Variants in MAGI2 observed in about 807,000 individuals in gnomAD.
MAGI2 encodes the protein membrane associated guanylate kinase, WW and PDZ domain containing 2, also known as membrane-associated guanylate kinase, WW and PDZ domain-containing protein 2.
Under a neutral mutation model 133.3 loss-of-function variants are expected in MAGI2, and 35 were observed. The observed-to-expected ratio is 0.26, with a 90% CI of 0.20 to 0.35. MAGI2 has a LOEUF of 0.35. MAGI2 is among the 10% of genes least tolerant of loss of function. MAGI2 has a pLI of 1.00. For missense variants in MAGI2, 1,636 were observed against 1,863.4 expected (o/e 0.88, Z 2.25); for synonymous variants, 729 against 710.6 (o/e 1.03, Z -0.41).
intron 6 of MAGI2, among the ~76,000 whole-genome samples, chr7:78,435,626 A>G (rs1002041805): frequency 1.3e-5 from 2 of 152,154 alleles, no homozygotes; most frequent in African/African-American, 2.4e-5. Flanking sequence ...CAGGCACCAA[A>G]GCTGCAAATA....
At chr7:79,199,256 C>A (rs952742886) in intron 1 of MAGI2, among the ~76,000 whole-genome samples, 8 of 151,928 alleles carry the variant, frequency 5.3e-5, no homozygotes, top group African/African-American at 1.9e-4. Flanking sequence ...ATAGTGGCTG[C>A]ATTTGGAGGG....
chr7:78,690,789 T>C (rs1289598973), intron 2 of MAGI2, among the ~76,000 whole-genome samples: 1 of 152,200 alleles, frequency 6.6e-6, no homozygotes, highest in Non-Finnish European at 1.5e-5. Context: ...ATTGCTTAAA[T>C]ACAGGTCCCT....
intron 2 of MAGI2, chr7:78,902,655 T>A (rs1399173364): frequency 1.3e-5 from 2 of 152,126 alleles, no homozygotes; most frequent in Non-Finnish European, 2.9e-5. Flanking sequence ...AGAAAATCAA[T>A]AGAACTTTTC....
chr7:79,444,219 C>G (rs1848689428), intron 1 of MAGI2, among the ~76,000 whole-genome samples: 2 of 152,134 alleles, frequency 1.3e-5, no homozygotes, highest in South Asian at 4.1e-4. Flanking sequence ...ACTGAATGGG[C>G]AAAAACTGGA....
intron 10 of MAGI2, among the ~76,000 whole-genome samples, chr7:78,238,555 TTC>T (rs1191304628): frequency 1.3e-5 from 2 of 152,066 alleles, no homozygotes; most frequent in Admixed American, 1.3e-4. Flanking sequence ...TCTTTGATTT[TTC>T]TCTTTTTCTT....
intron 12 of MAGI2, 52 bp downstream of exon 12, chr7:78,194,822 C>A: frequency 7.1e-7 from 1 of 1,404,230 alleles, no homozygotes. Flanking sequence ...TATCTCCTGG[C>A]AGGGCCTCAG....
intron 2 of MAGI2, among the ~76,000 whole-genome samples, chr7:78,705,256 G>C (rs1818519033): frequency 6.6e-6 from 1 of 151,994 alleles, no homozygotes; most frequent in African/African-American, 2.4e-5. Context: ...CACAAGATCT[G>C]ATGGTTTATA....
At chr7:78,409,222 G>C (rs893416601) in intron 6 of MAGI2, among the ~76,000 whole-genome samples, 2 of 152,026 alleles carry the variant, frequency 1.3e-5, no homozygotes, top group African/African-American at 4.8e-5. Context: ...AGGACCCTGT[G>C]TCTTTTTTTA....
At chr7:78,116,599 T>C (rs1819892160) in intron 20 of MAGI2, among the ~76,000 whole-genome samples, 1 of 151,954 alleles carries the variant, frequency 6.6e-6, no homozygotes, top group South Asian at 2.1e-4. Context: ...AGCAGGCAGG[T>C]GAGGTGTGAT....
chr7:78,521,755 C>T (rs1796524013), intron 3 of MAGI2, 110 bp from the exon 4 acceptor site: 3 of 762,740 alleles, frequency 3.9e-6, no homozygotes, highest in African/African-American at 3.5e-5. Context: ...TTTATATGTA[C>T]ATACATAGAC....
At chr7:78,296,062 G>T (rs1797202622) in intron 9 of MAGI2, among the ~76,000 whole-genome samples, 1 of 151,942 alleles carries the variant, frequency 6.6e-6, no homozygotes, top group East Asian at 1.9e-4. Context: ...CCTTTCTTTG[G>T]CTACTCTAAT....
intron 9 of MAGI2, among the ~76,000 whole-genome samples, chr7:78,324,144 A>G (rs1378539697): frequency 7.4e-6 from 1 of 135,896 alleles, no homozygotes; most frequent in African/African-American, 3.0e-5. Flanking sequence ...ACTACACTAC[A>G]CTACACTACA....
intron 6 of MAGI2, among the ~76,000 whole-genome samples, chr7:78,458,686 G>C (rs1381758645): frequency 6.6e-6 from 1 of 151,284 alleles, no homozygotes; most frequent in Non-Finnish European, 1.5e-5. Context: ...CCAGGCTGGA[G>C]TGCAGTGGCA....
chr7:78,720,833 A>G (rs1365522698), intron 2 of MAGI2, among the ~76,000 whole-genome samples: 1 of 152,162 alleles, frequency 6.6e-6, no homozygotes, highest in Non-Finnish European at 1.5e-5. Context: ...TCAAATAGAC[A>G]ACCCTTGGAT....
At chr7:79,108,038 T>C (rs2129543698) in intron 1 of MAGI2, among the ~76,000 whole-genome samples, 1 of 152,326 alleles carries the variant, frequency 6.6e-6, no homozygotes, top group South Asian at 2.1e-4. Flanking sequence ...ATACCTGATA[T>C]GACTAAGAAG....
chr7:79,392,127 T>C (rs1021185634), intron 1 of MAGI2, among the ~76,000 whole-genome samples: 5 of 152,230 alleles, frequency 3.3e-5, no homozygotes, highest in Admixed American at 1.3e-4. Context: ...TCTGTTCCTG[T>C]GTTAGTTTGC....
chr7:79,318,893 G>A (rs11974299), intron 1 of MAGI2, among the ~76,000 whole-genome samples: 24,361 of 152,114 alleles, frequency 0.16, 2,226 homozygotes, highest in East Asian at 0.35. Flanking sequence ...ATGAATTACA[G>A]TAAGAGAGCT....
intron 13 of MAGI2, among the ~76,000 whole-genome samples, chr7:78,178,332 T>C (rs1826860231): frequency 6.6e-6 from 1 of 152,182 alleles, no homozygotes; most frequent in East Asian, 1.9e-4. Context: ...ACTGAGGTAT[T>C]ACCAGAAGCA....
chr7:78,978,231 C>T (rs1804466581), intron 2 of MAGI2, among the ~76,000 whole-genome samples: 1 of 151,794 alleles, frequency 6.6e-6, no homozygotes, highest in South Asian at 2.1e-4. Flanking sequence ...TTGTTTATGG[C>T]AGCCCTATCA....
Sources: allele counts gnomAD v4.1 joint callset (sites outside exome capture counted in the v4.1 genomes callset), GRCh38; gene constraint gnomAD v4.1.1; transcripts MANE v1.5; gene names NCBI Gene and HGNC (gene_info 2026-07-23, HGNC 2026-07-21).